Variants in CADM2 observed in about 807,000 individuals in gnomAD.
CADM2 encodes the protein cell adhesion molecule 2.
In CADM2, 12 loss-of-function variants were observed where a neutral mutation model predicts 49.8. The ratio of observed to expected loss-of-function variants is 0.24; its 90% CI spans 0.15 to 0.39. The LOEUF is 0.39. Among genes scored for constraint, CADM2 ranks in the 10% least tolerant of loss-of-function variants. The pLI is 1.00. For missense variants in CADM2, 378 were observed against 492.3 expected, an observed-to-expected ratio of 0.77 and a Z score of 2.20; for synonymous variants, 214 against 175.4, an observed-to-expected ratio of 1.22 and a Z score of -1.74.
At chr3:85,338,376 C>T (rs1288161222) in intron 1 of CADM2, among the ~76,000 whole-genome samples, 1 of 151,390 alleles carries the variant, frequency 6.6e-6, no homozygotes, top group Non-Finnish European at 1.5e-5. Context: ...TCTAAGAGTA[C>T]AGAGTTTTTG....
At chr3:85,527,206 G>A (rs1349595351) in intron 1 of CADM2, among the ~76,000 whole-genome samples, 5 of 151,816 alleles carry the variant, frequency 3.3e-5, no homozygotes, top group Admixed American at 3.3e-4. Context: ...GGAATCTTTG[G>A]AGACATGGTC....
chr3:85,658,414 C>T (rs989030493), intron 1 of CADM2, among the ~76,000 whole-genome samples: 3 of 151,538 alleles, frequency 2.0e-5, no homozygotes, highest in Admixed American at 1.3e-4. Flanking sequence ...AACTCTAAGG[C>T]AATACATTTG....
rs1559644565 is a variant in CADM2 at position 85,769,549 on chromosome 3, A to ATATATGTATATATACACGTATATACC, written c.89-32473_89-32472insCTATATGTATATATACACGTATATAC. Reference sequence around the variant, plus strand: ...TATATGTATATATACACGTATATACATATATGTATATATACACGTATATAC... The same window carrying ATATATGTATATATACACGTATATACC: ...TATATGTATATATACACGTATATACATATATGTATATATACACGTATATACCTATATGTATATATACACGTATATAC... On this transcript the variant is annotated intron_variant, in intron 2 of 9. Transcript: ENST00000383699. Among the ~76,000 whole-genome samples the ATATATGTATATATACACGTATATACC allele has an allele frequency of 2.5e-5, 2 of 78,976 alleles. 1 individual carries two copies. Among genetic ancestry groups the ATATATGTATATATACACGTATATACC allele is most frequent in the African/African-American group, 9.4e-5 (2 of 21,210 alleles). 51.8% of individuals were successfully genotyped at this position (78,976 alleles called of 152,430 possible). A position where few individuals can be genotyped will look rare whatever the true frequency, so the allele number is the denominator to read the frequency against.
At chr3:84,960,235 C>T (rs1354193209) in intron 1 of CADM2, 1 of 152,644 alleles carries the variant, frequency 6.6e-6, no homozygotes, top group Non-Finnish European at 1.5e-5. Context: ...CAATAACATC[C>T]CCGGGGGGGA....
At chr3:85,233,872 G>A (rs1336811497) in intron 1 of CADM2, among the ~76,000 whole-genome samples, 3 of 152,036 alleles carry the variant, frequency 2.0e-5, no homozygotes, top group African/African-American at 7.2e-5. Context: ...TTGATTCATA[G>A]TAAAAATCTT....
intron 2 of CADM2, among the ~76,000 whole-genome samples, chr3:85,739,357 T>A (rs1410233896): frequency 6.6e-6 from 1 of 152,118 alleles, no homozygotes; most frequent in Non-Finnish European, 1.5e-5. Flanking sequence ...TTATAACTTA[T>A]AAAACTGATA....
At chr3:85,016,663 C>T (rs1189201543) in intron 1 of CADM2, among the ~76,000 whole-genome samples, 3 of 151,850 alleles carry the variant, frequency 2.0e-5, no homozygotes, top group Admixed American at 1.3e-4. Flanking sequence ...CATGAAGGTG[C>T]GCACCTGTAA....
chr3:85,162,819 A>G (rs2040366504), intron 1 of CADM2, among the ~76,000 whole-genome samples: 1 of 152,052 alleles, frequency 6.6e-6, no homozygotes, highest in African/African-American at 2.4e-5. Flanking sequence ...ATTCTTATAT[A>G]AACCCTATGT....
chr3:85,989,296 A>G (rs1381977410), intron 8 of CADM2, among the ~76,000 whole-genome samples: 1 of 152,168 alleles, frequency 6.6e-6, no homozygotes, highest in Non-Finnish European at 1.5e-5. Flanking sequence ...CTAGGCCAAA[A>G]GAGCCAAAGG....
At chr3:85,810,532 GTTTTTT>G (rs71112120) in intron 3 of CADM2, among the ~76,000 whole-genome samples, 10 of 87,176 alleles carry the variant, frequency 1.1e-4, no homozygotes, top group African/African-American at 3.9e-4. Context: ...ATAGAATTCT[GTTTTTT>G]TTTTTTTTTT....
rs2062924177 is a variant in CADM2, at chr3:85,585,680, G to C, written c.62-140842G>C. 3.3e-5 allele frequency among the ~76,000 whole-genome samples: 5 copies of C among 152,062 alleles called. No homozygotes were observed. The South Asian group carries it at 1.0e-3, about 31-fold the overall frequency. On this transcript the variant is annotated intron_variant, in intron 1 of 9. Transcript: ENST00000383699. ...TTTTAAACATTTATCAAAATTTGCT[G>C]TGTAGGAGATCTGTGTTCTAAAAGC...
At chr3:85,097,763 C>T (rs1208941996) in intron 1 of CADM2, among the ~76,000 whole-genome samples, 1 of 152,210 alleles carries the variant, frequency 6.6e-6, no homozygotes, top group Admixed American at 6.5e-5. Context: ...CAGACTGATA[C>T]ATCAATGAGA....
At chr3:85,342,839 T>C (rs1341446683) in intron 1 of CADM2, among the ~76,000 whole-genome samples, 1 of 152,152 alleles carries the variant, frequency 6.6e-6, no homozygotes, top group Non-Finnish European at 1.5e-5. Flanking sequence ...AAGAGAGTCA[T>C]AGCTGTAAAC....
At chr3:85,855,963 G>T (rs893225367) in intron 3 of CADM2, among the ~76,000 whole-genome samples, 7 of 152,146 alleles carry the variant, frequency 4.6e-5, no homozygotes, top group Admixed American at 4.6e-4. Context: ...TACGCTTTTT[G>T]CAGGTTAATT....
At chr3:85,476,697 A>C (rs150307450) in intron 1 of CADM2, among the ~76,000 whole-genome samples, 1,615 of 152,004 alleles carry the variant, frequency 0.011, 13 homozygotes, top group Non-Finnish European at 0.017. Context: ...AACAAAGAGT[A>C]AACTATTATT....
intron 1 of CADM2, among the ~76,000 whole-genome samples, chr3:85,553,048 T>A (rs907772330): frequency 1.3e-5 from 2 of 152,160 alleles, no homozygotes; most frequent in African/African-American, 4.8e-5. Context: ...GTCAATTTTT[T>A]AAAATTTAAT....
chr3:86,041,290 T>C (rs1417798972), intron 8 of CADM2, among the ~76,000 whole-genome samples: 1 of 152,114 alleles, frequency 6.6e-6, no homozygotes. Context: ...GACTGGCAAA[T>C]TGGATAAAGA....
chr3:86,013,233 AC>A (rs1731776919), intron 8 of CADM2: 7 of 1,444,094 alleles, frequency 4.8e-6, no homozygotes, highest in Non-Finnish European at 6.7e-6. Flanking sequence ...AAAAACATAA[AC>A]CAACAATAGC....
intron 1 of CADM2, among the ~76,000 whole-genome samples, chr3:85,009,889 A>AAATG (rs1240654158): frequency 1.3e-5 from 2 of 149,588 alleles, no homozygotes; most frequent in Non-Finnish European, 1.5e-5. Flanking sequence ...ATAAATAAAT[A>AAATG]AATAAATAAA....
Sources: gnomAD v4.1 joint callset for allele counts (sites outside exome capture counted in the v4.1 genomes callset) on GRCh38, gnomAD v4.1.1 for gene constraint, MANE v1.5 for transcripts, NCBI Gene and HGNC (gene_info 2026-07-23, HGNC 2026-07-21) for gene names.